The following SLC2A14 variants were observed in gnomAD, a reference collection of about 807,000 sequenced individuals.
SLC2A14 encodes the protein solute carrier family 2, facilitated glucose transporter member 14.
In SLC2A14, 13 loss-of-function variants were observed where a neutral mutation model predicts 43.0. That is an observed-to-expected ratio of 0.30 (90% confidence interval 0.20 to 0.48). The LOEUF (loss-of-function observed/expected upper bound fraction) is 0.48, where lower values mean the gene tolerates loss of function less well. SLC2A14 is among the 20% of genes least tolerant of loss of function. The pLI is 0.99. For synonymous variants in SLC2A14, 190 were observed against 233.8 expected, an observed-to-expected ratio of 0.81 and a Z score of 1.71; for missense variants, 428 against 620.4, an observed-to-expected ratio of 0.69 and a Z score of 3.29.
At chr12:7,853,035 T>C (rs1867064211) in intron 2 of SLC2A14, among the ~76,000 whole-genome samples, 1 of 152,162 alleles carries the variant, frequency 6.6e-6, no homozygotes. Context: ...AATGTTAATA[T>C]CTGATAGCTT....
At chr12:7,858,016 C>A (rs1181421748) in intron 2 of SLC2A14, among the ~76,000 whole-genome samples, 1 of 152,030 alleles carries the variant, frequency 6.6e-6, no homozygotes, top group African/African-American at 2.4e-5. Flanking sequence ...ACCTTTAATC[C>A]CACCACTTGG....
intron 7 of SLC2A14, among the ~76,000 whole-genome samples, chr12:7,827,181 A>G (rs1024069782): frequency 6.8e-6 from 1 of 146,786 alleles, no homozygotes; most frequent in Non-Finnish European, 1.5e-5. Context: ...CGCAATCTCC[A>G]CTCACTGCAA....
intron 8 of SLC2A14, among the ~76,000 whole-genome samples, chr12:7,820,123 G>A (rs377735807): frequency 3.8e-5 from 4 of 105,666 alleles, no homozygotes; most frequent in Admixed American, 1.0e-4. Context: ...ATCTGAACCC[G>A]TGGAAGCTGA....
rs945459584 is a variant in SLC2A14 at position 7,834,413 on chromosome 12, G to A, written c.19-1599C>T. 5.9e-5 allele frequency among the ~76,000 whole-genome samples: 9 copies of A among 152,000 alleles called. No individual in the cohort carries two copies. In the South Asian group the frequency reaches 6.2e-4, roughly 11 times the overall value. On this transcript the variant is annotated intron_variant, in intron 2 of 10. Coordinates refer to ENST00000431042, the MANE Select transcript of SLC2A14 (RefSeq NM_001286234.2). ...GAATCTAAAAAATGTGTTGACCTGG[G>A]CACAGTGGCTCACATCTATAATCCC...
Position 7,852,785 on chromosome 12 carries a change from T to G in SLC2A14, c.18+17078A>C, listed in dbSNP as rs369693896. The stretch of plus-strand genomic sequence containing the variant: ...CATGCACCTTGATTTCAGCAAGACA[T>G]CTCAGAAAATCTCCAATGAGATCCT... On this transcript the variant is annotated intron_variant, in intron 2 of 10. Transcript: ENST00000431042. 4.6e-5 allele frequency among the ~76,000 whole-genome samples: 7 copies of G among 152,202 alleles called. No homozygotes were observed. In the East Asian group the frequency reaches 5.8e-4, roughly 13 times the overall value.
chr12:7,866,362 T>C (rs1944909843), intron 2 of SLC2A14, among the ~76,000 whole-genome samples: 1 of 152,024 alleles, frequency 6.6e-6, no homozygotes, highest in Non-Finnish European at 1.5e-5. Context: ...CTTTCTTTAA[T>C]TTTTTCTTTT....
At chr12:7,879,315 A>AAAAAG (rs59059562) in intron 1 of SLC2A14, among the ~76,000 whole-genome samples, 22,136 of 49,300 alleles carry the variant, frequency 0.45, 1,940 homozygotes, top group Non-Finnish European at 0.47. Context: ...CTCTGCAAAA[A>AAAAAG]AAAACAAACA....
chr12:7,871,049 C>A, intron 1 of SLC2A14: 1 of 1,415,364 alleles, frequency 7.1e-7, no homozygotes. Context: ...CGGAAGAACC[C>A]CATGGATGAA....
intron 2 of SLC2A14, among the ~76,000 whole-genome samples, chr12:7,866,263 G>A (rs1944903532): frequency 6.6e-6 from 1 of 150,600 alleles, no homozygotes; most frequent in African/African-American, 2.4e-5. Context: ...TGAAACAGAT[G>A]TATTGCTGAT....
intron 1 of SLC2A14, among the ~76,000 whole-genome samples, chr12:7,882,825 G>C (rs1404509383): frequency 1.3e-5 from 2 of 151,836 alleles, no homozygotes; most frequent in African/African-American, 4.8e-5. Flanking sequence ...TGATGAGTGA[G>C]GCTGTCTCAA....
intron 1 of SLC2A14, among the ~76,000 whole-genome samples, chr12:7,883,912 T>TTGTCTTTC (rs1555150797): frequency 1.4e-5 from 2 of 140,736 alleles, no homozygotes; most frequent in Non-Finnish European, 3.1e-5. Flanking sequence ...CTGAATTAAC[T>TTGTCTTTC]TTTCTTTCTT....
chr12:7,887,256 A>C (rs1945702742), intron 1 of SLC2A14, among the ~76,000 whole-genome samples: 1 of 151,946 alleles, frequency 6.6e-6, no homozygotes, highest in Non-Finnish European at 1.5e-5. Flanking sequence ...CTAGAAGAGT[A>C]GTTCTTAAAC....
chr12:7,853,429 CAA>C (rs35414391), intron 2 of SLC2A14, among the ~76,000 whole-genome samples: 1 of 84,616 alleles, frequency 1.2e-5, no homozygotes, highest in African/African-American at 5.0e-5. Context: ...GACTCCATTT[CAA>C]AAAAAAAAAA....
At chr12:7,888,924 C>G (rs1945733107) in intron 1 of SLC2A14, among the ~76,000 whole-genome samples, 2 of 152,002 alleles carry the variant, frequency 1.3e-5, no homozygotes, top group African/African-American at 4.8e-5. Context: ...TCTCTGGACT[C>G]TAATTTCCAA....
At chr12:7,826,217 C>G (rs1864345943) in intron 7 of SLC2A14, among the ~76,000 whole-genome samples, 1 of 88,308 alleles carries the variant, frequency 1.1e-5, no homozygotes, top group African/African-American at 4.7e-5. Flanking sequence ...CTGTGTATTT[C>G]CTCCCAAGTT....
intron 2 of SLC2A14, chr12:7,860,350 A>T (rs1210362160): frequency 1.3e-5 from 2 of 152,194 alleles, no homozygotes; most frequent in Admixed American, 1.3e-4. Flanking sequence ...ATGAGGTCTA[A>T]AAAGTAGTAG....
chr12:7,816,684 C>T (rs1863482336), intron 10 of SLC2A14, among the ~76,000 whole-genome samples: 1 of 151,650 alleles, frequency 6.6e-6, no homozygotes, highest in South Asian at 2.1e-4. Context: ...GCCAACATAG[C>T]AAGCCCCTGT....
chr12:7,813,371 C>T lies in SLC2A14; in HGVS notation c.*945G>A, dbSNP rs1411619794. 1 of 152,156 alleles carries T rather than the reference C, an allele frequency of 6.6e-6. No individual in the cohort carries two copies. The highest frequency in any genetic ancestry group is 1.5e-5 in the Non-Finnish European group (1 of 68,040). The allele number at this position is 152,156 out of a possible 1,614,324, so 9.4% of individuals were successfully genotyped here. A position where few individuals can be genotyped will look rare whatever the true frequency, so the allele number is the denominator to read the frequency against. ...AGACTACTACAAGGAGTTATTTCGT[C>T]CAGTGAGGGGAACAGGCTTTCTAGA... On this transcript the variant is annotated 3_prime_UTR_variant, in exon 11 of 11. Coordinates refer to ENST00000431042, the MANE Select transcript of SLC2A14 (RefSeq NM_001286234.2).
intron 2 of SLC2A14, among the ~76,000 whole-genome samples, chr12:7,836,263 C>T (rs11056033): frequency 0.49 from 73,728 of 150,924 alleles, 18,991 homozygotes; most frequent in Non-Finnish European, 0.58. Flanking sequence ...CTTGGTCACC[C>T]AGGCTGGTGT....
Sources: gnomAD v4.1 joint callset for allele counts (sites outside exome capture counted in the v4.1 genomes callset) on GRCh38, gnomAD v4.1.1 for gene constraint, MANE v1.5 for transcripts, NCBI Gene and HGNC (gene_info 2026-07-23, HGNC 2026-07-21) for gene names.